The following TMEM74 variants were observed in gnomAD, a reference collection of about 807,000 sequenced individuals.
The protein encoded by TMEM74 is transmembrane protein 74.
Under a neutral mutation model 18.1 loss-of-function variants are expected in TMEM74, and 13 were observed. That is an observed-to-expected ratio of 0.72 (90% CI 0.47 to 1.14). TMEM74 has a LOEUF of 1.14. Ranked by LOEUF, TMEM74 falls within the 50% of genes most tolerant of loss-of-function variation. The pLI is 0.00. For synonymous variants in TMEM74, 159 were observed against 146.6 expected (o/e 1.08, Z -0.61); for missense variants, 372 against 375.9 (o/e 0.99, Z 0.09).
intron 1 of TMEM74, among the ~76,000 whole-genome samples, chr8:108,739,782 C>A (rs1326177777): frequency 1.3e-5 from 2 of 152,012 alleles, no homozygotes; most frequent in Non-Finnish European, 2.9e-5. Flanking sequence ...GGACTGGGAG[C>A]CTCTCTCTTC....
intron 1 of TMEM74, among the ~76,000 whole-genome samples, chr8:108,695,447 T>C (rs1020522576): frequency 3.3e-5 from 5 of 152,174 alleles, no homozygotes; most frequent in African/African-American, 1.2e-4. Flanking sequence ...AGAAAATGGA[T>C]TGGACATTTT....
intron 2 of TMEM74, among the ~76,000 whole-genome samples, chr8:108,620,534 T>C (rs908225428): frequency 4.6e-5 from 7 of 152,188 alleles, no homozygotes; most frequent in Admixed American, 2.6e-4. Flanking sequence ...TCATTATACA[T>C]GTATGAAAAA....
At chr8:108,768,184 G>C (rs1189382524) in intron 1 of TMEM74, among the ~76,000 whole-genome samples, 1 of 152,028 alleles carries the variant, frequency 6.6e-6, no homozygotes, top group East Asian at 1.9e-4. Context: ...ATTAAATCTT[G>C]TGCTTTTTCC....
At chr8:108,756,576 GAAAGAAAGA>G in intron 1 of TMEM74, among the ~76,000 whole-genome samples, 1 of 112,050 alleles carries the variant, frequency 8.9e-6, no homozygotes, top group African/African-American at 3.9e-5. Flanking sequence ...AAGAAAGAAA[GAAAGAAAGA>G]AAGAAAGAAA....
rs937565334 is a variant in TMEM74 at position 108,782,116 on chromosome 8, C to T, written c.*2065G>A. On this transcript the variant is annotated 3_prime_UTR_variant, in exon 2 of 2. Coordinates refer to ENST00000297459, the MANE Select transcript of TMEM74 (RefSeq NM_153015.3). ...TGCCTTCTTTTTTTAACACACAGCT[C>T]AGACCTACTCACTCAGCAGATCGTT... Among the ~76,000 whole-genome samples the T allele has an allele frequency of 6.6e-6, 1 of 152,042 alleles. No individual in the cohort carries two copies. Among genetic ancestry groups the T allele is most frequent in the Non-Finnish European group, 1.5e-5 (1 of 68,012 alleles).
chr8:108,750,637 AT>A (rs768041647), intron 1 of TMEM74, among the ~76,000 whole-genome samples: 4 of 152,092 alleles, frequency 2.6e-5, no homozygotes, highest in Admixed American at 6.6e-5. Context: ...GGGCATACAC[AT>A]TAAGAGACAA....
chr8:108,756,720 G>GAAGGAAGGAAGGAA (rs1813977291), intron 1 of TMEM74, among the ~76,000 whole-genome samples: 9 of 78,308 alleles, frequency 1.1e-4, no homozygotes, highest in East Asian at 5.4e-4. Flanking sequence ...AAGAAAGAAA[G>GAAGGAAGGAAGGAA]AGAAAGAAAG....
chr8:108,681,497 A>G (rs1393910547), intron 1 of TMEM74, among the ~76,000 whole-genome samples: 1 of 152,190 alleles, frequency 6.6e-6, no homozygotes, highest in African/African-American at 2.4e-5. Flanking sequence ...CCTTCCTTAC[A>G]CCTTATACAA....
chr8:108,774,791 G>T (rs1028295315), downstream of TMEM74, among the ~76,000 whole-genome samples: 1 of 138,996 alleles, frequency 7.2e-6, no homozygotes, highest in Admixed American at 7.5e-5. Context: ...TAGAGACCAG[G>T]TCTCACTTTG....
At chr8:108,612,609 T>C (rs1225359460) in intron 2 of TMEM74, among the ~76,000 whole-genome samples, 1 of 152,172 alleles carries the variant, frequency 6.6e-6, no homozygotes, top group Non-Finnish European at 1.5e-5. Flanking sequence ...TGATGCATTA[T>C]CAAAAGCCTT....
At chr8:108,718,969 T>C (rs944955484) in intron 1 of TMEM74, among the ~76,000 whole-genome samples, 1 of 82,372 alleles carries the variant, frequency 1.2e-5, no homozygotes, top group African/African-American at 4.8e-5. Context: ...ATTTTGTGTG[T>C]GTATATATAT....
At chr8:108,611,612 A>C (rs943101549) in intron 2 of TMEM74, among the ~76,000 whole-genome samples, 5 of 152,198 alleles carry the variant, frequency 3.3e-5, no homozygotes, top group African/African-American at 1.2e-4. Flanking sequence ...GAATTTGGTT[A>C]AGTGAGGACT....
Position 108,664,127 on chromosome 8 carries a change from GATAAA to G in TMEM74, n.120-8695_120-8691del, listed in dbSNP as rs143122973. The stretch of plus-strand genomic sequence containing the variant: ...CCTAGAACTTAAAAGTTGAAGAAAA[GATAAA>G]ATAAAATAGGTTTTTCAAATTCTGT... On this transcript the variant is annotated intron_variant and non_coding_transcript_variant, in intron 1 of 3. Transcript: ENST00000518838. 8.7e-3 allele frequency among the ~76,000 whole-genome samples: 1,318 copies of G among 152,238 alleles called. 19 individuals are homozygous for G. Among genetic ancestry groups the G allele is most frequent in the African/African-American group, 0.028 (1,161 of 41,546 alleles).
At chr8:108,730,718 C>T (rs1300290378) in intron 1 of TMEM74, among the ~76,000 whole-genome samples, 3 of 150,590 alleles carry the variant, frequency 2.0e-5, no homozygotes, top group Admixed American at 6.6e-5. Context: ...CTGCAAGCTC[C>T]GCCTCCCAGG....
Position 108,694,841 on chromosome 8 carries a change from G to T in TMEM74, n.120-39404C>A, listed in dbSNP as rs140704075. Among the ~76,000 whole-genome samples the T allele has an allele frequency of 5.3e-5, 8 of 152,346 alleles. No individual in the cohort carries two copies. In the East Asian group the frequency reaches 1.5e-3, roughly 29 times the overall value. ...GCTGGGACATGATGCCCACAGGCAG[G>T]TGGCTGGGAAGAGAACATAGTTGTG... On this transcript the variant is annotated intron_variant and non_coding_transcript_variant, in intron 1 of 3. Transcript: ENST00000518838.
chr8:108,707,281 C>T (rs1813425479), intron 1 of TMEM74, among the ~76,000 whole-genome samples: 1 of 151,720 alleles, frequency 6.6e-6, no homozygotes, highest in Non-Finnish European at 1.5e-5. Flanking sequence ...ACATGTACAC[C>T]TATGTAACAA....
chr8:108,688,994 T>C (rs1356641549), intron 1 of TMEM74, among the ~76,000 whole-genome samples: 1 of 152,174 alleles, frequency 6.6e-6, no homozygotes, highest in Non-Finnish European at 1.5e-5. Flanking sequence ...GCCAAGGGAA[T>C]GGGGGTGATG....
At chr8:108,741,430 G>GTACATAATTTATTTAATTTATTTAAT (rs1813799106) in intron 1 of TMEM74, among the ~76,000 whole-genome samples, 4 of 152,132 alleles carry the variant, frequency 2.6e-5, no homozygotes, top group African/African-American at 9.7e-5. Context: ...GATATGAAAT[G>GTACATAATTTATTTAATTTATTTAAT]CTATTTAAAA....
intron 1 of TMEM74, among the ~76,000 whole-genome samples, chr8:108,724,725 G>A (rs1044732289): frequency 6.6e-6 from 1 of 152,104 alleles, no homozygotes; most frequent in African/African-American, 2.4e-5. Context: ...GGAAATCTTA[G>A]GTACAGAGAG....
Sources: gnomAD v4.1 joint callset for allele counts (sites outside exome capture counted in the v4.1 genomes callset) on GRCh38, gnomAD v4.1.1 for gene constraint, MANE v1.5 for transcripts, NCBI Gene and HGNC (gene_info 2026-07-23, HGNC 2026-07-21) for gene names.